CNTNAP5: variants seen among roughly 807,000 people sequenced by gnomAD.
The protein encoded by CNTNAP5 is contactin-associated protein-like 5.
Under a neutral mutation model 150.2 loss-of-function variants are expected in CNTNAP5, and 72 were observed. That is an observed-to-expected ratio of 0.48 (90% CI 0.40 to 0.58). The LOEUF (loss-of-function observed/expected upper bound fraction) is 0.58. Ranked by LOEUF, CNTNAP5 falls within the 20% of genes least tolerant of loss-of-function variation. The pLI is 0.00. For synonymous variants in CNTNAP5, 672 were observed against 619.8 expected (o/e 1.08, Z -1.25); for missense variants, 1,636 against 1,626.2 (o/e 1.01, Z -0.10).
chr2:124,171,899 C>T (rs1263604479), intron 1 of CNTNAP5, among the ~76,000 whole-genome samples: 2 of 152,212 alleles, frequency 1.3e-5, no homozygotes, highest in Admixed American at 6.5e-5. Flanking sequence ...AGCTCAGAGG[C>T]TATCTTCATT....
At chr2:124,064,515 T>C (rs1423889991) in intron 1 of CNTNAP5, among the ~76,000 whole-genome samples, 1 of 152,172 alleles carries the variant, frequency 6.6e-6, no homozygotes, top group African/African-American at 2.4e-5. Context: ...TGGATCACTA[T>C]TGTGGATTTC....
At chr2:124,853,847 C>A (rs1677285240) in intron 19 of CNTNAP5, among the ~76,000 whole-genome samples, 1 of 152,070 alleles carries the variant, frequency 6.6e-6, no homozygotes, top group African/African-American at 2.4e-5. Flanking sequence ...TCTTTTGTTC[C>A]CCTCTTTGTG....
At chr2:124,216,358 G>A (rs1453768660) in intron 1 of CNTNAP5, among the ~76,000 whole-genome samples, 2 of 151,934 alleles carry the variant, frequency 1.3e-5, no homozygotes, top group Admixed American at 6.6e-5. Context: ...TATTGCATCA[G>A]AGTTTTTTTT....
chr2:124,791,304 AGCATGTCAT>A (rs916600825), intron 18 of CNTNAP5, among the ~76,000 whole-genome samples: 7 of 152,230 alleles, frequency 4.6e-5, no homozygotes, highest in African/African-American at 1.7e-4. Context: ...ATTCCTGAAG[AGCATGTCAT>A]GCTTCTTGGG....
intron 13 of CNTNAP5, among the ~76,000 whole-genome samples, chr2:124,666,415 G>A (rs944212321): frequency 4.6e-5 from 7 of 152,154 alleles, no homozygotes; most frequent in African/African-American, 1.7e-4. Flanking sequence ...CCCTTGTCTG[G>A]CAGAGCCTTA....
At chr2:124,557,639 C>G (rs1695789101) in intron 10 of CNTNAP5, among the ~76,000 whole-genome samples, 1 of 152,028 alleles carries the variant, frequency 6.6e-6, no homozygotes. Context: ...GAATCATAAA[C>G]TGATGGATAA....
chr2:124,092,098 C>T (rs1014108635), intron 1 of CNTNAP5, among the ~76,000 whole-genome samples: 3 of 152,118 alleles, frequency 2.0e-5, no homozygotes, highest in Admixed American at 1.3e-4. Flanking sequence ...TTCCTTTTTC[C>T]TTTAACTCTA....
chr2:124,758,794 A>G (rs1680895499), intron 14 of CNTNAP5, among the ~76,000 whole-genome samples: 1 of 152,094 alleles, frequency 6.6e-6, no homozygotes, highest in South Asian at 2.1e-4. Context: ...AGCTTAATTG[A>G]AGGAGAAAGT....
At chr2:124,817,710 A>T (rs1359688911) in intron 19 of CNTNAP5, among the ~76,000 whole-genome samples, 1 of 152,170 alleles carries the variant, frequency 6.6e-6, no homozygotes, top group African/African-American at 2.4e-5. Flanking sequence ...TGAGGAAGTT[A>T]CCTAACCCCC....
rs957352125 is a variant in CNTNAP5 at position 124,042,868 on chromosome 2, C to T, written c.82+17136C>T. Among the ~76,000 whole-genome samples, 15 of 151,712 alleles carry T rather than the reference C, an allele frequency of 9.9e-5. 1 individual carries two copies. The highest frequency in any genetic ancestry group is 1.7e-4 in the African/African-American group (7 of 41,272). ...AAAATGGGATAAAAACTAAAGGTGC[C>T]GAAGTTGCCTATGCTTTGGAGGTGA... On this transcript the variant is annotated intron_variant, in intron 1 of 23. Coordinates refer to ENST00000682447, the MANE Select transcript of CNTNAP5 (RefSeq NM_001367498.1).
intron 3 of CNTNAP5, among the ~76,000 whole-genome samples, chr2:124,372,869 A>C (rs1394772318): frequency 1.3e-5 from 2 of 152,140 alleles, no homozygotes; most frequent in African/African-American, 4.8e-5. Context: ...AAGCAATGAG[A>C]ATCTTGAAGA....
chr2:124,298,030 A>T (rs1191107178), intron 3 of CNTNAP5, among the ~76,000 whole-genome samples: 3 of 151,942 alleles, frequency 2.0e-5, no homozygotes, highest in African/African-American at 7.3e-5. Flanking sequence ...CTTTTAGTAG[A>T]GATGGGGTTT....
intron 3 of CNTNAP5, among the ~76,000 whole-genome samples, chr2:124,359,545 C>G (rs1172308497): frequency 2.0e-5 from 3 of 147,444 alleles, no homozygotes; most frequent in African/African-American, 7.6e-5. Flanking sequence ...TTTATTTCTG[C>G]CTTCATTTCG....
At chr2:124,556,651 C>T (rs1023961667) in intron 10 of CNTNAP5, among the ~76,000 whole-genome samples, 1 of 151,906 alleles carries the variant, frequency 6.6e-6, no homozygotes, top group Non-Finnish European at 1.5e-5. Context: ...AGAGGAGCAT[C>T]GGGGTGGGGT....
At chr2:124,357,921 GATT>G (rs1690068349) in intron 3 of CNTNAP5, among the ~76,000 whole-genome samples, 1 of 150,972 alleles carries the variant, frequency 6.6e-6, no homozygotes, top group East Asian at 1.9e-4. Context: ...TCATGATATT[GATT>G]CTTCCTACCC....
chr2:124,403,773 TA>T (rs1375330528), intron 3 of CNTNAP5, among the ~76,000 whole-genome samples: 1 of 152,098 alleles, frequency 6.6e-6, no homozygotes, highest in East Asian at 1.9e-4. Context: ...GGGTAATTTA[TA>T]AAAGAAGGAG....
chr2:124,194,175 A>C (rs907370836), intron 1 of CNTNAP5, among the ~76,000 whole-genome samples: 4 of 150,860 alleles, frequency 2.7e-5, no homozygotes. Context: ...CCCCTCCCCC[A>C]TTTATTTTCT....
At chr2:124,348,621 T>C (rs544480205) in intron 3 of CNTNAP5, among the ~76,000 whole-genome samples, 32 of 152,310 alleles carry the variant, frequency 2.1e-4, no homozygotes, top group Middle Eastern at 3.4e-3. Flanking sequence ...CAACCCTAAA[T>C]AGACTACCAA....
At position 124,281,357 on chromosome 2, in the gene CNTNAP5, CTTAT is replaced by C. The variant is rs1421120863; in HGVS notation, c.381+38971_381+38974del. Among the ~76,000 whole-genome samples, 5 of 152,190 alleles carry C rather than the reference CTTAT, an allele frequency of 3.3e-5. No individual in the cohort carries two copies. The East Asian group carries it at 7.7e-4, about 24-fold the overall frequency. The stretch of plus-strand genomic sequence containing the variant: ...TAAATTAATTGAAATTAATTCAGTG[CTTAT>C]TTATTTCCCAAACTCCTATCCCTTG... On this transcript the variant is annotated intron_variant, in intron 3 of 23. Transcript: ENST00000682447.
Sources: allele counts gnomAD v4.1 joint callset (sites outside exome capture counted in the v4.1 genomes callset), GRCh38; gene constraint gnomAD v4.1.1; transcripts MANE v1.5; gene names NCBI Gene and HGNC (gene_info 2026-07-23, HGNC 2026-07-21).